KIAA1958: variants seen among roughly 807,000 people sequenced by gnomAD.
KIAA1958 encodes the protein KIAA1958, also known as uncharacterized protein KIAA1958.
In KIAA1958, 14 loss-of-function variants were observed where a neutral mutation model predicts 47.2. That is an observed-to-expected ratio of 0.30 (90% CI 0.20 to 0.46). The LOEUF (loss-of-function observed/expected upper bound fraction) is 0.46, where lower values mean the gene tolerates loss of function less well. Ranked by LOEUF, KIAA1958 falls within the 20% of genes least tolerant of loss-of-function variation. The probability of loss-of-function intolerance (pLI) is 1.00; values close to 1 mark genes in which losing one functional copy is unlikely to be tolerated. For missense variants in KIAA1958, 803 were observed against 909.2 expected, an observed-to-expected ratio of 0.88 and a Z score of 1.50; for synonymous variants, 354 against 353.3, an observed-to-expected ratio of 1.00 and a Z score of -0.02.
At chr9:112,628,333 C>CT (rs1836654279) in intron 2 of KIAA1958, among the ~76,000 whole-genome samples, 1 of 152,216 alleles carries the variant, frequency 6.6e-6, no homozygotes, top group Non-Finnish European at 1.5e-5. Flanking sequence ...AATTCTAAGA[C>CT]TATCAAAACT....
At chr9:112,593,479 C>CAA (rs1177307680) in intron 2 of KIAA1958, among the ~76,000 whole-genome samples, 1 of 152,228 alleles carries the variant, frequency 6.6e-6, no homozygotes, top group Admixed American at 6.5e-5. Context: ...TAAAAACTAA[C>CAA]AACATTTGAA....
intron 2 of KIAA1958, among the ~76,000 whole-genome samples, chr9:112,636,133 CAT>C (rs1442743241): frequency 6.8e-6 from 1 of 147,612 alleles, no homozygotes; most frequent in African/African-American, 2.5e-5. Context: ...ATACATATAT[CAT>C]ATATATTTTT....
At chr9:112,531,913 G>A (rs1834758137) in intron 1 of KIAA1958, among the ~76,000 whole-genome samples, 3 of 152,208 alleles carry the variant, frequency 2.0e-5, no homozygotes, top group African/African-American at 4.8e-5. Flanking sequence ...TGGAGACCGA[G>A]GACCCTAAAG....
At chr9:112,546,067 A>G (rs1835027263) in intron 1 of KIAA1958, among the ~76,000 whole-genome samples, 1 of 151,990 alleles carries the variant, frequency 6.6e-6, no homozygotes, top group Non-Finnish European at 1.5e-5. Flanking sequence ...CCTAGAAATG[A>G]GATAGGAGTT....
rs1836439717 is a variant in KIAA1958 at position 112,618,252 on chromosome 9, T to C, written c.1172-27398T>C. On this transcript the variant is annotated intron_variant, in intron 2 of 3. Transcript: ENST00000337530. This position sits in a 1 kb window ranked among gnomAD's most constrained non-coding sequence, Gnocchi z 7.1. ...AAAGGAAATAAGCCACACAAGTCCATGAAGCTCACCTTTGCTGACGAGCTC... is the reference window on the plus strand; with the variant it reads ...AAAGGAAATAAGCCACACAAGTCCACGAAGCTCACCTTTGCTGACGAGCTC... 1 of 1,550,582 alleles carries C rather than the reference T, an allele frequency of 6.4e-7. No individual in the cohort carries two copies. Among genetic ancestry groups the C allele is most frequent in the African/African-American group, 1.4e-5 (1 of 73,018 alleles).
At chr9:112,549,923 G>T (rs2132836846) in intron 1 of KIAA1958, among the ~76,000 whole-genome samples, 1 of 152,346 alleles carries the variant, frequency 6.6e-6, no homozygotes, top group African/African-American at 2.4e-5. Context: ...CTGAGGTTGA[G>T]AAATCCTGCT....
intron 2 of KIAA1958, among the ~76,000 whole-genome samples, chr9:112,625,978 T>C (rs1359112926): frequency 2.0e-5 from 3 of 152,240 alleles, no homozygotes; most frequent in Non-Finnish European, 1.5e-5. Flanking sequence ...GATATCGAGC[T>C]ACATAGCATC....
At chr9:112,607,630 T>G (rs1836257407) in intron 2 of KIAA1958, among the ~76,000 whole-genome samples, 1 of 150,296 alleles carries the variant, frequency 6.7e-6, no homozygotes, top group Admixed American at 6.7e-5. Context: ...ATTTATGGCT[T>G]GAAAGGATAT....
intron 2 of KIAA1958, among the ~76,000 whole-genome samples, chr9:112,631,362 A>G (rs1477684111): frequency 6.6e-6 from 1 of 151,952 alleles, no homozygotes; most frequent in Non-Finnish European, 1.5e-5. Flanking sequence ...CCCCATCTCT[A>G]CAAAAATTTT....
At chr9:112,543,713 A>G (rs1232936159) in intron 1 of KIAA1958, among the ~76,000 whole-genome samples, 1 of 151,754 alleles carries the variant, frequency 6.6e-6, no homozygotes. Flanking sequence ...AGCTGGGATT[A>G]CAGGCATGCG....
chr9:112,557,345 G>A (rs183226319), intron 1 of KIAA1958, among the ~76,000 whole-genome samples: 1 of 152,246 alleles, frequency 6.6e-6, no homozygotes, highest in East Asian at 1.9e-4. Context: ...CCCTCCTATA[G>A]CCTGCATTCA....
At chr9:112,510,651 C>G (rs1305041322) in intron 1 of KIAA1958, among the ~76,000 whole-genome samples, 1 of 152,132 alleles carries the variant, frequency 6.6e-6, no homozygotes, top group Non-Finnish European at 1.5e-5. Flanking sequence ...GCTTATACCT[C>G]TCTTCTACTC....
intron 2 of KIAA1958, chr9:112,619,013 A>G: frequency 7.9e-7 from 1 of 1,259,202 alleles, no homozygotes; most frequent in African/African-American, 1.5e-5. Flanking sequence ...CCTCAGTGTT[A>G]ATTCACTTTA....
chr9:112,604,060 G>A (rs1248316427), intron 2 of KIAA1958, among the ~76,000 whole-genome samples: 2 of 152,132 alleles, frequency 1.3e-5, no homozygotes, highest in Non-Finnish European at 2.9e-5. Context: ...GAATGTGATA[G>A]CCAAGTTTGT....
At chr9:112,567,974 A>G (rs1835456030) in intron 1 of KIAA1958, among the ~76,000 whole-genome samples, 1 of 151,824 alleles carries the variant, frequency 6.6e-6, no homozygotes, top group South Asian at 2.1e-4. Context: ...AAAAAAAAAA[A>G]AAAAAAAAAA....
intron 1 of KIAA1958, among the ~76,000 whole-genome samples, chr9:112,505,993 C>T (rs1012676858): frequency 3.3e-5 from 5 of 151,966 alleles, no homozygotes; most frequent in Admixed American, 2.0e-4. Flanking sequence ...TTTGAGTGTC[C>T]CTTAGTATCA....
At chr9:112,526,657 CAT>C (rs1177446141) in intron 1 of KIAA1958, among the ~76,000 whole-genome samples, 1 of 152,192 alleles carries the variant, frequency 6.6e-6, no homozygotes, top group Non-Finnish European at 1.5e-5. Flanking sequence ...TGTGTTATCA[CAT>C]GTCAGAAGGC....
chr9:112,532,994 C>A (rs1276130835), intron 1 of KIAA1958, among the ~76,000 whole-genome samples: 3 of 151,636 alleles, frequency 2.0e-5, no homozygotes, highest in Non-Finnish European at 4.4e-5. Flanking sequence ...TTTTCAGATA[C>A]CTGATTATAA....
intron 1 of KIAA1958, among the ~76,000 whole-genome samples, chr9:112,551,324 A>G (rs1835145979): frequency 6.6e-6 from 1 of 152,094 alleles, no homozygotes; most frequent in Non-Finnish European, 1.5e-5. Context: ...TGTCTCTTTG[A>G]ATTAGGCTGC....
Sources: gnomAD v4.1 joint callset for allele counts (sites outside exome capture counted in the v4.1 genomes callset) on GRCh38, gnomAD v4.1.1 for gene constraint, Gnocchi (gnomAD v3.1) non-coding constraint, MANE v1.5 for transcripts, NCBI Gene and HGNC (gene_info 2026-07-23, HGNC 2026-07-21) for gene names.